Variants in SFRP1 observed in about 807,000 individuals in gnomAD.
SFRP1 encodes the protein secreted frizzled related protein 1.
Under a neutral mutation model 25.9 loss-of-function variants are expected in SFRP1, and 9 were observed. The observed-to-expected ratio is 0.35, with a 90% confidence interval of 0.21 to 0.61. The LOEUF is 0.61. SFRP1 is among the 20% of genes least tolerant of loss of function. The probability of loss-of-function intolerance (pLI) is 0.78; values close to 1 mark genes in which losing one functional copy is unlikely to be tolerated. For missense variants in SFRP1, 346 were observed against 418.2 expected (o/e 0.83, Z 1.51); for synonymous variants, 178 against 174.0 (o/e 1.02, Z -0.18).
intron 1 of SFRP1, chr8:41,307,090 T>C: frequency 8.0e-7 from 1 of 1,255,878 alleles, no homozygotes. Flanking sequence ...TAATCCCCGC[T>C]GGCTGAGGAA....
At chr8:41,269,883 T>C (rs7000160) in intron 2 of SFRP1, among the ~76,000 whole-genome samples, 50,630 of 151,792 alleles carry the variant, frequency 0.33, 8,808 homozygotes, top group Middle Eastern at 0.38. Flanking sequence ...AAGAGGGACA[T>C]ACTAGAGAGC....
intron 2 of SFRP1, among the ~76,000 whole-genome samples, chr8:41,303,231 C>A (rs1414279832): frequency 6.6e-6 from 1 of 151,938 alleles, no homozygotes; most frequent in Non-Finnish European, 1.5e-5. Flanking sequence ...GCCCAAAAAT[C>A]TGTCCAGCGA....
chr8:41,275,465 A>G (rs1236899877), intron 2 of SFRP1: 1 of 210,454 alleles, frequency 4.8e-6, no homozygotes. Context: ...TAACAAGAGA[A>G]GTAGAGGGCA....
chr8:41,280,185 T>G (rs1192654279), intron 2 of SFRP1, among the ~76,000 whole-genome samples: 1 of 152,152 alleles, frequency 6.6e-6, no homozygotes, highest in Non-Finnish European at 1.5e-5. Context: ...ACAGTTTTCC[T>G]TTGTGGGGTG....
chr8:41,301,549 C>T (rs1217011882), intron 2 of SFRP1, among the ~76,000 whole-genome samples: 3 of 152,208 alleles, frequency 2.0e-5, no homozygotes, highest in African/African-American at 4.8e-5. Flanking sequence ...ATACACCATA[C>T]GCACACTAAG....
intron 1 of SFRP1, 91 bp downstream of exon 1, chr8:41,308,525 G>A: frequency 9.5e-7 from 1 of 1,050,616 alleles, no homozygotes; most frequent in Non-Finnish European, 1.4e-6. Flanking sequence ...GGACCCAGCG[G>A]CGGGCGGGCG....
intron 2 of SFRP1, among the ~76,000 whole-genome samples, chr8:41,269,382 T>A (rs1381183709): frequency 6.6e-6 from 1 of 152,176 alleles, no homozygotes; most frequent in Non-Finnish European, 1.5e-5. Flanking sequence ...AAACTCAAAA[T>A]TTGAGGCTGC....
At chr8:41,294,883 G>A (rs1335267031) in intron 2 of SFRP1, among the ~76,000 whole-genome samples, 1 of 152,100 alleles carries the variant, frequency 6.6e-6, no homozygotes, top group South Asian at 2.1e-4. Flanking sequence ...GCTTTGAGGA[G>A]TTGGGATGAG....
At chr8:41,299,587 G>GGTCAGGAGTTCAAGACCAGCCTGGCCAA (rs1242257375) in intron 2 of SFRP1, among the ~76,000 whole-genome samples, 151 of 130,692 alleles carry the variant, frequency 1.2e-3, no homozygotes, top group Non-Finnish European at 1.4e-3. Context: ...GATCGCTTGA[G>GGTCAGGAGTTCAAGACCAGCCTGGCCAA]CCCGGGGGGC....
intron 2 of SFRP1, among the ~76,000 whole-genome samples, chr8:41,295,335 T>C (rs1189980007): frequency 6.6e-6 from 1 of 151,666 alleles, no homozygotes; most frequent in Non-Finnish European, 1.5e-5. Flanking sequence ...CATTCCAGTC[T>C]GCGCAACAGA....
chr8:41,280,145 GA>G (rs1304395592), intron 2 of SFRP1, among the ~76,000 whole-genome samples: 3 of 152,178 alleles, frequency 2.0e-5, no homozygotes, highest in Admixed American at 6.5e-5. Flanking sequence ...AAGTCCAGGG[GA>G]GTGCAGGGGG....
intron 2 of SFRP1, among the ~76,000 whole-genome samples, chr8:41,295,594 C>T (rs921485587): frequency 2.0e-5 from 3 of 151,962 alleles, no homozygotes; most frequent in Non-Finnish European, 2.9e-5. Context: ...TATTTCATCT[C>T]GTCCCCATCA....
In SFRP1 at chr8:41,309,424, G is replaced by C. The variant is rs1161083276; in HGVS notation, c.-265C>G. On this transcript the variant is annotated 5_prime_UTR_variant, in exon 1 of 3. Coordinates refer to ENST00000220772, the MANE Select transcript of SFRP1 (RefSeq NM_003012.5). ...AGGTGCGGCGAGCAGGAAGGCGCGG[G>C]GCGGCGGGCGCGCGGCACTGACTCC... 9 of 164,598 alleles carry C rather than the reference G, an allele frequency of 5.5e-5. No homozygotes were observed. Among genetic ancestry groups the C allele is most frequent in the East Asian group, 1.9e-4 (1 of 5,386 alleles). The allele number at this position is 164,598 out of a possible 1,614,324, so 10.2% of individuals were successfully genotyped here. A position where few individuals can be genotyped will look rare whatever the true frequency, so the allele number is the denominator to read the frequency against.
chr8:41,300,349 G>A (rs1803899156), intron 2 of SFRP1, among the ~76,000 whole-genome samples: 1 of 152,146 alleles, frequency 6.6e-6, no homozygotes, highest in Non-Finnish European at 1.5e-5. Context: ...AGAAGGCAAG[G>A]AAAGTTTCTA....
intron 2 of SFRP1, among the ~76,000 whole-genome samples, chr8:41,282,768 CAG>C (rs1362801318): frequency 6.6e-6 from 1 of 151,996 alleles, no homozygotes. Context: ...AATATATGTA[CAG>C]AGTTATATAC....
chr8:41,306,249 A>T (rs1355728932), intron 1 of SFRP1, among the ~76,000 whole-genome samples: 1 of 152,344 alleles, frequency 6.6e-6, no homozygotes, highest in East Asian at 1.9e-4. Context: ...CCAATAATCC[A>T]AAACTGAATT....
Position 41,308,696 on chromosome 8 carries a change from A to T in SFRP1, c.464T>A (p.Leu155His). The T allele has an allele frequency of 6.2e-7, 1 of 1,611,578 alleles. No homozygotes were observed. Reference sequence around the variant, plus strand: ...CCCCTCGGGGAACTTGTCACACTTAAGCATCTCGGGCCAGTAGAAGCCGAA... The same window carrying T: ...CCCCTCGGGGAACTTGTCACACTTATGCATCTCGGGCCAGTAGAAGCCGAA... ...QFFGFYWPEMLKCDKFPEGDV... is the reference protein window; with the variant it reads ...QFFGFYWPEMHKCDKFPEGDV... The change falls in exon 1 of 3, where the codon CTT (leucine) becomes CAT (histidine). Residue 155 changes from leucine (L) to histidine (H), a missense_variant. Coordinates refer to ENST00000220772, the MANE Select transcript of SFRP1 (RefSeq NM_003012.5).
chr8:41,295,646 G>A (rs777071540), intron 2 of SFRP1, among the ~76,000 whole-genome samples: 6 of 151,584 alleles, frequency 4.0e-5, no homozygotes, highest in Admixed American at 6.6e-5. Context: ...TTAAATATGC[G>A]CTGCAGCACT....
chr8:41,300,618 G>C (rs1803903387), intron 2 of SFRP1, among the ~76,000 whole-genome samples: 1 of 152,174 alleles, frequency 6.6e-6, no homozygotes, highest in South Asian at 2.1e-4. Flanking sequence ...TCATATCCCT[G>C]GGATAAACCA....
Sources: gnomAD v4.1 joint callset for allele counts (sites outside exome capture counted in the v4.1 genomes callset) on GRCh38, gnomAD v4.1.1 for gene constraint, MANE v1.5 for transcripts, NCBI Gene and HGNC (gene_info 2026-07-23, HGNC 2026-07-21) for gene names.